Variants in POLG observed in about 807,000 individuals in gnomAD.
The protein encoded by POLG is DNA polymerase subunit gamma-1.
Under a neutral mutation model 155.4 loss-of-function variants are expected in POLG, and 110 were observed. That is an observed-to-expected ratio of 0.71 (90% CI 0.61 to 0.83). The LOEUF (loss-of-function observed/expected upper bound fraction) is 0.83. Ranked by LOEUF, POLG falls within the 40% of genes least tolerant of loss-of-function variation. The pLI is 0.00. For synonymous variants in POLG, 701 were observed against 631.5 expected (o/e 1.11, Z -1.65); for missense variants, 1,685 against 1,627.5 (o/e 1.04, Z -0.61).
intron 10 of POLG, among the ~76,000 whole-genome samples, chr15:89,325,105 TGAGA>T (rs372278231): frequency 0.012 from 321 of 26,408 alleles, 61 homozygotes; most frequent in Middle Eastern, 0.022. Context: ...AGTGAGAGAG[TGAGA>T]GAGAGTGAGT....
intron 18 of POLG, 68 bp from the exon 19 acceptor site, chr15:89,319,418 G>C: frequency 6.3e-7 from 1 of 1,597,130 alleles, no homozygotes; most frequent in Non-Finnish European, 8.5e-7. Flanking sequence ...CCTTGGCAAG[G>C]AATGTTCACA....
At chr15:89,325,128 G>A (rs2055473325) in intron 10 of POLG, among the ~76,000 whole-genome samples, 1 of 83,164 alleles carries the variant, frequency 1.2e-5, no homozygotes, top group Admixed American at 1.3e-4. Flanking sequence ...GTGAGTGAGT[G>A]AGAGAGTGAG....
In POLG at chr15:89,323,464, G is replaced by A. The variant is rs777464475; in HGVS notation, c.2205C>T (p.Gly735=). 2 of 1,614,046 alleles carry A rather than the reference G, an allele frequency of 1.2e-6. No homozygotes were observed. The highest frequency in any genetic ancestry group is 2.2e-5 in the South Asian group (2 of 91,088). Reference sequence around the variant, plus strand: ...TGTCCACGTCGTTGTAAGGTCCATTGCCATGGTGATAGCTGGGCTGGGTGT... The same window carrying A: ...TGTCCACGTCGTTGTAAGGTCCATTACCATGGTGATAGCTGGGCTGGGTGT... ...PKDTQPSYHH[G]NGPYNDVDIP... Residue 735 remains glycine, a synonymous_variant, in exon 13 of 23, where the codon GGC becomes GGT. Coordinates refer to ENST00000268124, the MANE Select transcript of POLG (RefSeq NM_002693.3).
intron 16 of POLG, 136 bp from the exon 17 acceptor site, chr15:89,321,396 A>G (rs1465757931): frequency 6.8e-6 from 7 of 1,023,132 alleles, no homozygotes; most frequent in South Asian, 1.4e-5. Context: ...GAAATTCCAC[A>G]GTTCCAGAGA....
At chr15:89,319,818 C>T (rs2055367876) in intron 18 of POLG, among the ~76,000 whole-genome samples, 2 of 152,146 alleles carry the variant, frequency 1.3e-5, no homozygotes, top group Admixed American at 1.3e-4. Flanking sequence ...CCTGGCTTAC[C>T]CCTCTCAACT....
rs1286994130 is a variant in POLG, at chr15:89,316,332, C to G, written c.*419G>C. 15 of 1,481,134 alleles carry G rather than the reference C, an allele frequency of 1.0e-5. No individual in the cohort carries two copies. The highest frequency in any genetic ancestry group is 4.9e-5 in the East Asian group (2 of 41,106). The allele number at this position is 1,481,134 out of a possible 1,614,324, so 91.7% of individuals were successfully genotyped here. A position where few individuals can be genotyped will look rare whatever the true frequency, so the allele number is the denominator to read the frequency against. ...AGAAGATAGAGTCTTTTTTTTCCTT[C>G]TTTTTATTTCCACTGCCTTGGAGCA... On this transcript the variant is annotated 3_prime_UTR_variant, in exon 23 of 23. Transcript: ENST00000268124.
At position 89,317,694 on chromosome 15, in the gene POLG, C is replaced by T. The variant is rs898385661; in HGVS notation, c.3483-158G>A. The T allele has an allele frequency of 2.2e-5, 16 of 726,364 alleles. No individual in the cohort carries two copies. The Admixed American group carries it at 2.7e-4, about 12-fold the overall frequency. The allele number at this position is 726,364 out of a possible 1,614,324, so 45.0% of individuals were successfully genotyped here. On this transcript the variant is annotated intron_variant, in intron 21 of 22. Transcript: ENST00000268124. ...AGTCAAGAAAGGTGAAGGTCCAGCA[C>T]TGTTTTCCATCCAGCAGCCTAACCT... is the stretch of plus-strand genomic sequence containing the variant.
In POLG at chr15:89,333,916, AAAG is replaced by A. The variant is rs1064794526; in HGVS notation, c.-159-6_-159-4del. The stretch of plus-strand genomic sequence containing the variant: ...ATGCCTGCCTTCCACCCCAAATCCT[AAAG>A]GAGACAGATGATATAAAGCGTTATT... On this transcript the variant is annotated splice_region_variant and splice_polypyrimidine_tract_variant and intron_variant, in intron 1 of 22. Coordinates refer to ENST00000268124, the MANE Select transcript of POLG (RefSeq NM_002693.3). 15 of 741,424 alleles carry A rather than the reference AAAG, an allele frequency of 2.0e-5. No homozygotes were observed. The Admixed American group carries it at 3.5e-4, about 17-fold the overall frequency. 45.9% of individuals were successfully genotyped at this position (741,424 alleles called of 1,614,324 possible).
Position 89,326,875 on chromosome 15 carries a change from C to A in POLG, c.1585+37G>T, listed in dbSNP as rs377280655. On this transcript the variant is annotated intron_variant, in intron 8 of 22. Transcript: ENST00000268124. ...AATCACAGGACCTTCCCAGAGACAA[C>A]CCCTACCCTACCCTACCTCCCACCC... The A allele has an allele frequency of 8.7e-6, 14 of 1,613,028 alleles. No individual in the cohort carries two copies. In the East Asian group the frequency reaches 2.9e-4, roughly 33 times the overall value.
intron 14 of POLG, 146 bp downstream of exon 14, chr15:89,322,596 C>T: frequency 1.2e-6 from 1 of 820,186 alleles, no homozygotes; most frequent in Non-Finnish European, 2.1e-6. Context: ...GAGACCTGCC[C>T]AAGGTCCATG....
chr15:89,329,409 C>T (rs919313300), intron 3 of POLG, among the ~76,000 whole-genome samples: 22 of 152,194 alleles, frequency 1.4e-4, no homozygotes, highest in Non-Finnish European at 4.4e-5. Flanking sequence ...AACGTAGATA[C>T]AGAGTGGCCA....
rs1349518194 is a variant in POLG, at chr15:89,318,957, G to A, written c.3247C>T (p.Leu1083=). 5 of 1,614,166 alleles carry A rather than the reference G, an allele frequency of 3.1e-6. No homozygotes were observed. The highest frequency in any genetic ancestry group is 3.4e-6 in the Non-Finnish European group (4 of 1,180,036). ...TCTTCCTGGACAGCCGAGGGCTCCAGGGCTCGGCTGATGCAGCAGCCCAGC... is the reference window on the plus strand; with the variant it reads ...TCTTCCTGGACAGCCGAGGGCTCCAAGGCTCGGCTGATGCAGCAGCCCAGC... ...PVLGCCISRA[L]EPSAVQEEFM... is the part of the protein sequence containing the mutation. Residue 1083 remains leucine, a synonymous_variant, in exon 20 of 23, where the codon CTG becomes TTG. Transcript: ENST00000268124.
rs755725702 is a variant in POLG at position 89,318,615 on chromosome 15, C to G, written c.3408G>C (p.Glu1136Asp). The part of the protein sequence containing the change: ...DGRFCISIHD[E>D]VRYLVREEDR... ...CCTCCTCCCGCACCAGGTAGCGAAC[C>G]TCGTCATGGATGCTGATGCAGAAGC... The change falls in exon 21 of 23, where the codon GAG becomes GAC. Residue 1136 changes from glutamate to aspartate, a missense_variant. By Grantham distance (45) the Glu-to-Asp change is conservative (BLOSUM62 2). This residue lies in a region of POLG where 470 missense variants were observed against 439.9 expected (regional missense o/e 1.07). Transcript: ENST00000268124. 3.7e-6 allele frequency: 6 copies of G among 1,614,088 alleles called. No individual in the cohort carries two copies. The Admixed American group carries it at 8.3e-5, about 22-fold the overall frequency.
At position 89,329,121 on chromosome 15, in the gene POLG, G is replaced by C; in HGVS notation, c.856-11C>G. 1 of 1,608,650 alleles carries C rather than the reference G, an allele frequency of 6.2e-7. No individual in the cohort carries two copies. Among genetic ancestry groups the C allele is most frequent in the Non-Finnish European group, 8.5e-7 (1 of 1,179,068 alleles). On this transcript the variant is annotated splice_polypyrimidine_tract_variant and intron_variant, in intron 3 of 22. Transcript: ENST00000268124. ...ACGCATGCGGGAACCCTGAGGAGGAGGAGGAGAAAAGGGAAGGGAAGGAGG... is the reference window on the plus strand; with the variant it reads ...ACGCATGCGGGAACCCTGAGGAGGACGAGGAGAAAAGGGAAGGGAAGGAGG...
chr15:89,320,951 G>C lies in POLG; in HGVS notation c.2796C>G (p.His932Gln). 1.9e-6 allele frequency: 3 copies of C among 1,613,972 alleles called. No individual in the cohort carries two copies. Among genetic ancestry groups the C allele is most frequent in the Non-Finnish European group, 2.5e-6 (3 of 1,180,022 alleles). Residue 932 changes from histidine (H) to glutamine (Q), a missense_variant, in exon 18 of 23, where the codon CAC becomes CAG. By Grantham distance (24) the His-to-Gln change is conservative. Coordinates refer to ENST00000268124, the MANE Select transcript of POLG (RefSeq NM_002693.3). Reference sequence around the variant, plus strand: ...TGCCCACAGTAGTGGCTGTCTTACTGTGTAGATCAGTGCCCCTGCTCTTCC... The same window carrying C: ...TGCCCACAGTAGTGGCTGTCTTACTCTGTAGATCAGTGCCCCTGCTCTTCC... ...QGRKSRGTDLHSKTATTVGIS... is the reference protein window; with the variant it reads ...QGRKSRGTDLQSKTATTVGIS...
intron 18 of POLG, 57 bp from the exon 19 acceptor site, chr15:89,319,407 G>T (rs901719624): frequency 8.1e-6 from 13 of 1,605,460 alleles, no homozygotes; most frequent in Middle Eastern, 1.6e-4. Context: ...CCACGCTAGT[G>T]CCTTGGCAAG....
chr15:89,328,340 G>C (rs564451055), intron 6 of POLG, 116 bp downstream of exon 6: 2 of 790,074 alleles, frequency 2.5e-6, no homozygotes, highest in Non-Finnish European at 4.4e-6. Flanking sequence ...CATTCTTTCA[G>C]CCTAGAAAAG....
chr15:89,322,430 C>T (rs2055409670), intron 14 of POLG, among the ~76,000 whole-genome samples: 1 of 152,234 alleles, frequency 6.6e-6, no homozygotes, highest in South Asian at 2.1e-4. Flanking sequence ...CTCCCAGCCC[C>T]CAACAGGGCT....
rs367610201 is a variant in POLG at position 89,325,591 on chromosome 15, A to G, written c.1808T>C (p.Met603Thr). The change falls in exon 10 of 23, where the codon ATG (methionine) becomes ACG (threonine). Residue 603 changes from methionine (M) to threonine (T), a missense_variant. By Grantham distance (81) the Met-to-Thr change is moderately conservative (BLOSUM62 -1). Transcript: ENST00000268124. Reference sequence around the variant, plus strand: ...AGGGAAGCCATCCCAGGTAAGTGCCATGAGTTTAGGTGTGACCCGCATCTG... The same window carrying G: ...AGGGAAGCCATCCCAGGTAAGTGCCGTGAGTTTAGGTGTGACCCGCATCTG... ...SLQMRVTPKL[M>T]ALTWDGFPLH... The G allele has an allele frequency of 3.7e-5, 59 of 1,613,734 alleles. No individual in the cohort carries two copies. The highest frequency in any genetic ancestry group is 4.7e-5 in the Non-Finnish European group (56 of 1,180,032).
Sources: allele counts gnomAD v4.1 joint callset (sites outside exome capture counted in the v4.1 genomes callset), GRCh38; gene constraint gnomAD v4.1.1; regional missense constraint gnomAD v4.1.1; transcripts MANE v1.5; gene names NCBI Gene and HGNC (gene_info 2026-07-23, HGNC 2026-07-21).